ATXN1: variants seen among roughly 807,000 people sequenced by gnomAD.
ATXN1 encodes ataxin-1.
Under a neutral mutation model 56.4 loss-of-function variants are expected in ATXN1, and 8 were observed. That is an observed-to-expected ratio of 0.14 (90% CI 0.08 to 0.26). The LOEUF (loss-of-function observed/expected upper bound fraction) is 0.26, where lower values mean the gene tolerates loss of function less well. Ranked by LOEUF, ATXN1 falls within the 10% of genes least tolerant of loss-of-function variation. The pLI is 1.00. For missense variants in ATXN1, 987 were observed against 1,106.5 expected, an observed-to-expected ratio of 0.89 and a Z score of 1.53; for synonymous variants, 514 against 494.6, an observed-to-expected ratio of 1.04 and a Z score of -0.52.
intron 3 of ATXN1, among the ~76,000 whole-genome samples, chr6:16,609,255 G>C (rs1187595773): frequency 6.6e-6 from 1 of 152,182 alleles, no homozygotes; most frequent in African/African-American, 2.4e-5. Flanking sequence ...CTGGTGTCCA[G>C]GGCATTCACA....
Position 16,620,262 on chromosome 6 carries a change from AACACACACACACACAC to A in ATXN1, c.-488-34371_-488-34356del, listed in dbSNP as rs60586256. Among the ~76,000 whole-genome samples the A allele has an allele frequency of 5.1e-5, 7 of 137,494 alleles. No individual in the cohort carries two copies. In the South Asian group the frequency reaches 1.2e-3, roughly 24 times the overall value. 90.2% of individuals were successfully genotyped at this position (137,494 alleles called of 152,430 possible). A position where few individuals can be genotyped will look rare whatever the true frequency, so the allele number is the denominator to read the frequency against. On this transcript the variant is annotated intron_variant, in intron 3 of 7. Coordinates refer to ENST00000436367, the MANE Select transcript of ATXN1 (RefSeq NM_001128164.2). ...TCTCTCTCTCTCTCTCTGTCTCTCA[AACACACACACACACAC>A]ACACACACACACACACACACACAGA...
chr6:16,725,917 T>A (rs1759838838), intron 2 of ATXN1, among the ~76,000 whole-genome samples: 1 of 152,204 alleles, frequency 6.6e-6, no homozygotes, highest in Non-Finnish European at 1.5e-5. Context: ...TGGTAAATAT[T>A]TGCTAAATAA....
intron 4 of ATXN1, among the ~76,000 whole-genome samples, chr6:16,528,300 CAAA>C (rs375416081): frequency 1.2e-4 from 9 of 74,404 alleles, no homozygotes; most frequent in Admixed American, 4.5e-4. Context: ...GACTCCCTCT[CAAA>C]AAAAAAAAAA....
rs1255279750 is a variant in ATXN1 at position 16,306,772 on chromosome 6, A to C, written c.2005T>G (p.Phe669Val). 1.2e-6 allele frequency: 2 copies of C among 1,614,076 alleles called. No homozygotes were observed. Among genetic ancestry groups the C allele is most frequent in the East Asian group, 2.2e-5 (1 of 44,902 alleles). Residue 669 changes from phenylalanine to valine, a missense_variant, in exon 8 of 8, where the codon TTT becomes GTT. Coordinates refer to ENST00000436367, the MANE Select transcript of ATXN1 (RefSeq NM_001128164.2). The surrounding 1 kb of genome is among the most constrained non-coding windows in gnomAD (Gnocchi z 5.2). ...SCCPERTSQL[F>V]DLPCSKLSVG... is the part of the protein sequence containing the mutation. ...GAGAGTTTGGAACACGGCAAATCAAAGAGCTGGCTGGTTCTCTCCGGACAG... is the reference window on the plus strand; with the variant it reads ...GAGAGTTTGGAACACGGCAAATCAACGAGCTGGCTGGTTCTCTCCGGACAG...
chr6:16,534,471 T>C (rs1175961446), intron 4 of ATXN1, among the ~76,000 whole-genome samples: 1 of 150,640 alleles, frequency 6.6e-6, no homozygotes, highest in Non-Finnish European at 1.5e-5. Context: ...TGCAGAAATG[T>C]TTAATAAAAG....
At chr6:16,573,725 CCCT>C (rs1762372792) in intron 4 of ATXN1, among the ~76,000 whole-genome samples, 1 of 152,156 alleles carries the variant, frequency 6.6e-6, no homozygotes, top group African/African-American at 2.4e-5. Flanking sequence ...CTCCGCTGGC[CCCT>C]CCAACATATC....
At position 16,460,446 on chromosome 6, in the gene ATXN1, T is replaced by C. The variant is rs146188488; in HGVS notation, c.-161+25526A>G. 2.9e-4 allele frequency among the ~76,000 whole-genome samples: 44 copies of C among 152,216 alleles called. 1 individual carries two copies. The East Asian group carries it at 7.7e-3, about 27-fold the overall frequency. ...TTAGTGTCAGAGGCTATCAAAATAATACAAGGAAAGGATCTCACCATCTAG... is the reference window on the plus strand; with the variant it reads ...TTAGTGTCAGAGGCTATCAAAATAACACAAGGAAAGGATCTCACCATCTAG... On this transcript the variant is annotated intron_variant, in intron 6 of 7. Transcript: ENST00000436367.
Position 16,474,860 on chromosome 6 carries a change from A to ACT in ATXN1, c.-161+11111_-161+11112insAG, listed in dbSNP as rs1421675520. Among the ~76,000 whole-genome samples the ACT allele has an allele frequency of 3.4e-5, 5 of 148,632 alleles. No individual in the cohort carries two copies. In the East Asian group the frequency reaches 6.8e-4, roughly 20 times the overall value. On this transcript the variant is annotated intron_variant, in intron 6 of 7. Coordinates refer to ENST00000436367, the MANE Select transcript of ATXN1 (RefSeq NM_001128164.2). ...TACACACACACACACACACACACAC[A>ACT]CACACTCTCTCTCTCTTTCTGTAAA...
chr6:16,469,345 A>C lies in ATXN1; in HGVS notation c.-161+16627T>G, dbSNP rs75788456. On this transcript the variant is annotated intron_variant, in intron 6 of 7. Coordinates refer to ENST00000436367, the MANE Select transcript of ATXN1 (RefSeq NM_001128164.2). ...AGACCTTATCAGGGAGCAATTAGTG[A>C]AGAACTAGGCAAGGGGTTAAAGAAA... 8.4e-3 allele frequency among the ~76,000 whole-genome samples: 1,282 copies of C among 152,354 alleles called. 15 individuals carry two copies. Among genetic ancestry groups the C allele is most frequent in the African/African-American group, 0.029 (1,215 of 41,582 alleles).
chr6:16,499,769 C>A (rs773217749), intron 5 of ATXN1, among the ~76,000 whole-genome samples: 2 of 152,192 alleles, frequency 1.3e-5, no homozygotes, highest in African/African-American at 4.8e-5. Flanking sequence ...CTCTGTTTAT[C>A]TTAAGCAAAA....
rs775642979 is a variant in ATXN1, at chr6:16,473,331, G to A, written c.-161+12641C>T. On this transcript the variant is annotated intron_variant, in intron 6 of 7. Coordinates refer to ENST00000436367, the MANE Select transcript of ATXN1 (RefSeq NM_001128164.2). ...CCAAACGTACCGGTGAAAACCACAC[G>A]TTCTCACTCTTGGCGACTTGAATTT... 1.2e-4 allele frequency among the ~76,000 whole-genome samples: 19 copies of A among 152,282 alleles called. 1 individual carries two copies. In the East Asian group the frequency reaches 2.5e-3, roughly 20 times the overall value.
chr6:16,492,475 T>A (rs1367971978), intron 5 of ATXN1, among the ~76,000 whole-genome samples: 1 of 150,122 alleles, frequency 6.7e-6, no homozygotes, highest in Non-Finnish European at 1.5e-5. Flanking sequence ...CAAAAAAAAA[T>A]AAATAGGTGT....
chr6:16,442,545 G>A (rs1759540137), intron 6 of ATXN1, among the ~76,000 whole-genome samples: 1 of 152,076 alleles, frequency 6.6e-6, no homozygotes, highest in Admixed American at 6.5e-5. Context: ...TAACATAGAT[G>A]TTAAGTGGGA....
chr6:16,719,069 A>G (rs1186181002), intron 2 of ATXN1, among the ~76,000 whole-genome samples: 2 of 152,202 alleles, frequency 1.3e-5, no homozygotes, highest in African/African-American at 4.8e-5. Flanking sequence ...CATGCACACA[A>G]TGAGCACTTA....
chr6:16,636,689 C>A (rs143622403), intron 3 of ATXN1, among the ~76,000 whole-genome samples: 9 of 152,164 alleles, frequency 5.9e-5, no homozygotes, highest in African/African-American at 2.2e-4. Flanking sequence ...ATATTTGATT[C>A]CTCAGTTATA....
At chr6:16,628,162 G>A (rs1168829502) in intron 3 of ATXN1, among the ~76,000 whole-genome samples, 1 of 152,190 alleles carries the variant, frequency 6.6e-6, no homozygotes, top group African/African-American at 2.4e-5. Flanking sequence ...CCAGTATTCT[G>A]GAATTTGCCT....
chr6:16,714,278 C>T (rs1476224071), intron 2 of ATXN1, among the ~76,000 whole-genome samples: 3 of 151,872 alleles, frequency 2.0e-5, no homozygotes, highest in Non-Finnish European at 4.4e-5. Context: ...CCCTCACTCC[C>T]ACCCACCTTT....
chr6:16,497,014 T>C (rs1760793313), intron 5 of ATXN1, among the ~76,000 whole-genome samples: 1 of 152,228 alleles, frequency 6.6e-6, no homozygotes, highest in African/African-American at 2.4e-5. Context: ...ACTGCTTAAT[T>C]GTTTTGTCGA....
intron 6 of ATXN1, among the ~76,000 whole-genome samples, chr6:16,369,004 A>G (rs1761984292): frequency 6.6e-6 from 1 of 152,240 alleles, no homozygotes. Flanking sequence ...CTCTGAAACT[A>G]ATGGATATTG....
Sources: gnomAD v4.1 joint callset for allele counts (sites outside exome capture counted in the v4.1 genomes callset) on GRCh38, gnomAD v4.1.1 for gene constraint, Gnocchi (gnomAD v3.1) non-coding constraint, MANE v1.5 for transcripts, NCBI Gene and HGNC (gene_info 2026-07-23, HGNC 2026-07-21) for gene names.